IAH1: variants seen among roughly 807,000 people sequenced by gnomAD.
The protein encoded by IAH1 is isoamyl acetate hydrolyzing esterase 1 (putative), also known as isoamyl acetate-hydrolyzing esterase 1 homolog.
A neutral mutation model predicts 26.7 loss-of-function variants in IAH1; 24 were observed. The ratio of observed to expected loss-of-function variants is 0.90; its 90% confidence interval spans 0.65 to 1.26. The LOEUF (loss-of-function observed/expected upper bound fraction) is 1.26. IAH1 is among the 50% of genes most tolerant of loss of function. The probability of loss-of-function intolerance (pLI) is 0.00; values close to 1 mark genes in which losing one functional copy is unlikely to be tolerated. For missense variants in IAH1, 300 were observed against 299.9 expected (o/e 1.00, Z 0.00); for synonymous variants, 140 against 118.5 (o/e 1.18, Z -1.18).
chr2:9,510,259 T>A, the IAH1 span: 9 of 1,042,220 alleles, frequency 8.6e-6, no homozygotes, highest in Middle Eastern at 2.3e-4. Flanking sequence ...AACTGCATGC[T>A]TATAATACCA....
At position 9,488,155 on chromosome 2, in the gene IAH1, A is replaced by C. The variant is rs150287314; in HGVS notation, c.573A>C (p.Ser191=). ...WTLMQDSQDF[S]SYLSDGLHLS... is the part of the protein sequence containing the mutation. ...ATTTCTCTCCCTTCTAGGACTTCTC[A>C]TCTTATTTATCAGATGGACTACATT... The change falls in exon 6 of 6, where the codon TCA becomes TCC. Residue 191 remains serine (S), a synonymous_variant. Transcript: ENST00000497473. 8.8e-4 allele frequency: 1,412 copies of C among 1,604,220 alleles called. 17 individuals carry two copies. The Admixed American group carries it at 0.019, about 22-fold the overall frequency.
downstream of IAH1, among the ~76,000 whole-genome samples, chr2:9,491,625 A>G (rs1255548963): frequency 6.6e-6 from 1 of 152,206 alleles, no homozygotes; most frequent in Non-Finnish European, 1.5e-5. Context: ...TCTGTGGACC[A>G]TGCTCTGCTG....
At chr2:9,475,651 C>T (rs897795967) in intron 1 of IAH1, 9 of 335,548 alleles carry the variant, frequency 2.7e-5, no homozygotes, top group African/African-American at 4.3e-5. Flanking sequence ...TAGACGTGCG[C>T]CACCACACCG....
intron 5 of IAH1, among the ~76,000 whole-genome samples, chr2:9,487,788 T>TTGTGTGTGTG (rs70948823): frequency 1.0e-3 from 135 of 134,006 alleles, no homozygotes; most frequent in African/African-American, 2.6e-3. Context: ...CCCGGCCTTT[T>TTGTGTGTGTG]TGTGTGTGTG....
chr2:9,502,912 A>G, the IAH1 span, among the ~76,000 whole-genome samples: 2 of 142,400 alleles, frequency 1.4e-5, no homozygotes, highest in South Asian at 4.6e-4. Flanking sequence ...AAGATGAGGC[A>G]GGTGGACCAC....
rs367778507 is a variant in IAH1, at chr2:9,495,711, CAAAA to C, written c.*223-594_*223-591del. Among the ~76,000 whole-genome samples the C allele has an allele frequency of 2.1e-5, 3 of 140,458 alleles. No homozygotes were observed. In the East Asian group the frequency reaches 6.5e-4, roughly 30 times the overall value. 92.1% of individuals were successfully genotyped at this position (140,458 alleles called of 152,430 possible). On this transcript the variant is annotated intron_variant, in intron 6 of 6. Coordinates refer to the IAH1 transcript ENST00000481367. ...CCTGGGCGAGAGTGAGACTCCATCT[CAAAA>C]AAAAAAAAAGAAAACCTTTTCATCA...
At chr2:9,484,222 T>C (rs534048759) in intron 4 of IAH1, among the ~76,000 whole-genome samples, 8 of 152,326 alleles carry the variant, frequency 5.3e-5, no homozygotes, top group East Asian at 3.9e-4. Context: ...GAAGGCTCCT[T>C]CTTCCCACTG....
chr2:9,499,409 G>T (rs1051473108), downstream of IAH1, among the ~76,000 whole-genome samples: 1 of 151,448 alleles, frequency 6.6e-6, no homozygotes, highest in Non-Finnish European at 1.5e-5. Context: ...TTGTTTTTTT[G>T]GTTTTTTTTT....
chr2:9,484,575 C>T lies in IAH1; in HGVS notation c.564+25C>T, dbSNP rs372679164. 66 of 1,486,574 alleles carry T rather than the reference C, an allele frequency of 4.4e-5. 1 individual carries two copies. The East Asian group carries it at 6.8e-4, about 15-fold the overall frequency. The allele number at this position is 1,486,574 out of a possible 1,614,324, so 92.1% of individuals were successfully genotyped here. On this transcript the variant is annotated intron_variant, in intron 5 of 5. Transcript: ENST00000497473. ...GGTACGGTGGCTTGCTCGGTCCTCT[C>T]GGGGTAAATAGGATCACACAGAAGT... is the stretch of plus-strand genomic sequence containing the variant.
chr2:9,510,663 CAAAAAA>C, the IAH1 span, among the ~76,000 whole-genome samples: 1 of 84,822 alleles, frequency 1.2e-5, no homozygotes, highest in Non-Finnish European at 2.6e-5. Context: ...GACTTCGTCT[CAAAAAA>C]AAAAAAAAAA....
chr2:9,505,488 G>T, the IAH1 span: 3 of 989,840 alleles, frequency 3.0e-6, no homozygotes, highest in Non-Finnish European at 4.5e-6. Flanking sequence ...CCACCCTGGA[G>T]TTATGGCAAG....
chr2:9,508,901 A>C, the IAH1 span, among the ~76,000 whole-genome samples: 8 of 152,192 alleles, frequency 5.3e-5, no homozygotes, highest in Non-Finnish European at 1.0e-4. Flanking sequence ...CAAGCAGAGG[A>C]AAAATAAAAC....
chr2:9,481,470 C>G (rs187336459), intron 4 of IAH1, 23 bp downstream of exon 4: 1 of 1,612,762 alleles, frequency 6.2e-7, no homozygotes. Context: ...CAGCCAATCT[C>G]GGCAAATCTG....
the IAH1 span, chr2:9,505,477 GCCAC>G: frequency 1.4e-3 from 1,574 of 1,137,570 alleles, 1 homozygote; most frequent in Non-Finnish European, 1.6e-3. Context: ...CACCATCAGA[GCCAC>G]CCTGGAGTTA....
chr2:9,505,697 A>G, the IAH1 span: 4 of 285,036 alleles, frequency 1.4e-5, no homozygotes, highest in Non-Finnish European at 2.0e-5. Flanking sequence ...GAGAGCTCGT[A>G]GCTCCATCAG....
chr2:9,495,462 C>T (rs1426894398), intron 6 of IAH1, among the ~76,000 whole-genome samples: 2 of 152,194 alleles, frequency 1.3e-5, no homozygotes, highest in African/African-American at 2.4e-5. Context: ...CTTGTAATCC[C>T]AGCACTTTGG....
chr2:9,484,499 A>G lies in IAH1; in HGVS notation c.513A>G (p.Gln171=). The change falls in exon 5 of 6, where the codon CAA becomes CAG. Residue 171 remains glutamine, a synonymous_variant. Coordinates refer to ENST00000497473, the MANE Select transcript of IAH1 (RefSeq NM_001039613.3). Reference sequence around the variant, plus strand: ...CCAATGCGTGTTTACAAGTGGCCCAAGACTGTGGGACTGACGTACTTGACC... The same window carrying G: ...CCAATGCGTGTTTACAAGTGGCCCAGGACTGTGGGACTGACGTACTTGACC... The part of the protein sequence containing the change: ...EYANACLQVA[Q]DCGTDVLDLW... The G allele has an allele frequency of 6.2e-7, 1 of 1,614,172 alleles. No individual in the cohort carries two copies. Among genetic ancestry groups the G allele is most frequent in the Non-Finnish European group, 8.5e-7 (1 of 1,180,026 alleles).
downstream of IAH1, among the ~76,000 whole-genome samples, chr2:9,498,551 G>A (rs1398037904): frequency 1.3e-5 from 2 of 152,250 alleles, no homozygotes; most frequent in African/African-American, 4.8e-5. Flanking sequence ...TTCTGACTTA[G>A]AGGGTTTCAG....
intron 5 of IAH1, among the ~76,000 whole-genome samples, chr2:9,486,983 A>G (rs999103631): frequency 3.9e-5 from 6 of 152,060 alleles, no homozygotes; most frequent in Admixed American, 6.6e-5. Flanking sequence ...TGTGATCCCA[A>G]TACTTTGTGA....
Sources: gnomAD v4.1 joint callset for allele counts (sites outside exome capture counted in the v4.1 genomes callset) on GRCh38, gnomAD v4.1.1 for gene constraint, MANE v1.5 for transcripts, NCBI Gene and HGNC (gene_info 2026-07-23, HGNC 2026-07-21) for gene names.